MYCBPAP: variants seen among roughly 807,000 people sequenced by gnomAD.
MYCBPAP encodes the protein MYCBP-associated protein.
MYCBPAP carries 60 observed loss-of-function variants against 106.1 expected under a neutral mutation model. The ratio of observed to expected loss-of-function variants is 0.57; its 90% CI spans 0.46 to 0.70. The LOEUF (loss-of-function observed/expected upper bound fraction) is 0.70, where lower values mean the gene tolerates loss of function less well. MYCBPAP is among the 30% of genes least tolerant of loss of function. The probability of loss-of-function intolerance (pLI) is 0.00; values close to 1 mark genes in which losing one functional copy is unlikely to be tolerated. For missense variants in MYCBPAP, 1,064 were observed against 1,169.3 expected, an observed-to-expected ratio of 0.91 and a Z score of 1.31; for synonymous variants, 407 against 440.6, an observed-to-expected ratio of 0.92 and a Z score of 0.95.
Position 50,508,764 on chromosome 17 carries a change from G to A in MYCBPAP, c.76+14G>A, listed in dbSNP as rs149713939. On this transcript the variant is annotated intron_variant, in intron 1 of 18. Coordinates refer to ENST00000323776, the MANE Select transcript of MYCBPAP (RefSeq NM_032133.6). ...AGAATGTCAAAGGTTGGCGCTGGCT[G>A]CCTTGGGCGCTCGGGAGAACCCGAG... 186 of 1,603,214 alleles carry A rather than the reference G, an allele frequency of 1.2e-4. No individual in the cohort carries two copies. The African/African-American group carries it at 2.0e-3, about 18-fold the overall frequency.
At chr17:50,514,845 A>G (rs772022860) in intron 1 of MYCBPAP, 18 of 407,004 alleles carry the variant, frequency 4.4e-5, no homozygotes, top group Admixed American at 8.5e-5. Context: ...TTTTTTATAG[A>G]GCCCAGACTG....
In MYCBPAP at chr17:50,524,977, A is replaced by G. The variant is rs755985825; in HGVS notation, c.1736A>G (p.Asp579Gly). Residue 579 changes from aspartate (D) to glycine (G), a missense_variant, in exon 13 of 19, where the codon GAT becomes GGT. By Grantham distance (94) the Asp-to-Gly change is moderately conservative. Coordinates refer to ENST00000323776, the MANE Select transcript of MYCBPAP (RefSeq NM_032133.6). ...LTPERTPSPV[D>G]AYLTEEDLFR... ...CCGGAGCGCACACCATCACCTGTGG[A>G]TGCCTATCTCACCGAGGAAGACTTG... 4.3e-6 allele frequency: 7 copies of G among 1,613,936 alleles called. 1 individual carries two copies. The South Asian group carries it at 5.5e-5, about 13-fold the overall frequency.
chr17:50,524,605 A>G (rs111306757), intron 12 of MYCBPAP, among the ~76,000 whole-genome samples: 4,264 of 152,210 alleles, frequency 0.028, 82 homozygotes, highest in South Asian at 0.072. Flanking sequence ...GGCCCCAGGC[A>G]GCAGCAGCTG....
At chr17:50,519,527 A>T in intron 6 of MYCBPAP, 113 bp from the exon 7 acceptor site, 1 of 1,278,834 alleles carries the variant, frequency 7.8e-7, no homozygotes, top group Non-Finnish European at 1.1e-6. Context: ...GCAGCAATGA[A>T]TTCCCCAGAG....
In MYCBPAP at chr17:50,519,762, G is replaced by C; in HGVS notation, c.891G>C (p.Lys297Asn). 6.2e-7 allele frequency: 1 copy of C among 1,613,968 alleles called. No homozygotes were observed. Among genetic ancestry groups the C allele is most frequent in the Non-Finnish European group, 8.5e-7 (1 of 1,179,982 alleles). The change falls in exon 7 of 19, where the codon AAG becomes AAC. Residue 297 changes from lysine to asparagine, a missense_variant. Physicochemically the swap from Lys to Asn is moderately conservative, Grantham distance 94. Coordinates refer to ENST00000323776, the MANE Select transcript of MYCBPAP (RefSeq NM_032133.6). ...GLMEPITHIRKPHSIRVETGL... is the reference protein window; with the variant it reads ...GLMEPITHIRNPHSIRVETGL... The stretch of plus-strand genomic sequence containing the variant: ...TGGAGCCCATCACTCACATCAGGAA[G>C]CCCCACTCCATCCGGGTGGAGACAG...
At chr17:50,517,996 A>C (rs2034115700) in intron 4 of MYCBPAP, among the ~76,000 whole-genome samples, 1 of 152,184 alleles carries the variant, frequency 6.6e-6, no homozygotes, top group African/African-American at 2.4e-5. Context: ...CAGGGCCCAC[A>C]TGCCTCATTT....
At position 50,526,084 on chromosome 17, in the gene MYCBPAP, C is replaced by T. The variant is rs61753847; in HGVS notation, c.1986C>T (p.Asn662=). 29 of 1,613,792 alleles carry T rather than the reference C, an allele frequency of 1.8e-5. No individual in the cohort carries two copies. Among genetic ancestry groups the T allele is most frequent in the Non-Finnish European group, 2.3e-5 (27 of 1,180,038 alleles). ...AAACTCAAGTGCCCCGGCCTGAGAACGAGGCCCTCAGGGAATCCGGGTCCC... is the reference window on the plus strand; with the variant it reads ...AAACTCAAGTGCCCCGGCCTGAGAATGAGGCCCTCAGGGAATCCGGGTCCC... ...ISETQVPRPE[N]EALRESGSQK... The change falls in exon 14 of 19, where the codon AAC becomes AAT. Residue 662 remains asparagine, a synonymous_variant. Transcript: ENST00000323776.
Position 50,523,662 on chromosome 17 carries a change from T to C in MYCBPAP, c.1513T>C (p.Phe505Leu). Reference sequence around the variant, plus strand: ...CTTCAAGTCTTTGACTGCTGGGGTCTTCAGGGAATTTTGGGAGTTTCGAAC... The same window carrying C: ...CTTCAAGTCTTTGACTGCTGGGGTCCTCAGGGAATTTTGGGAGTTTCGAAC... ...FFFKSLTAGV[F>L]REFWEFRTHP... The change falls in exon 12 of 19, where the codon TTC (phenylalanine) becomes CTC (leucine). Residue 505 changes from phenylalanine to leucine, a missense_variant. By Grantham distance (22) the Phe-to-Leu change is conservative. Transcript: ENST00000323776. The C allele has an allele frequency of 1.9e-6, 3 of 1,614,236 alleles. No individual in the cohort carries two copies. Among genetic ancestry groups the C allele is most frequent in the Non-Finnish European group, 2.5e-6 (3 of 1,180,038 alleles).
Position 50,526,090 on chromosome 17 carries a change from C to T in MYCBPAP, c.1992C>T (p.Ala664=), listed in dbSNP as rs2034448810. ...AAGTGCCCCGGCCTGAGAACGAGGCCCTCAGGGAATCCGGGTCCCAGAAGG... is the reference window on the plus strand; with the variant it reads ...AAGTGCCCCGGCCTGAGAACGAGGCTCTCAGGGAATCCGGGTCCCAGAAGG... ...ETQVPRPENE[A]LRESGSQKAR... The change falls in exon 14 of 19, where the codon GCC becomes GCT. Residue 664 remains alanine (A), a synonymous_variant. Coordinates refer to ENST00000323776, the MANE Select transcript of MYCBPAP (RefSeq NM_032133.6). 1.2e-6 allele frequency: 2 copies of T among 1,613,794 alleles called. No individual in the cohort carries two copies. Among genetic ancestry groups the T allele is most frequent in the Non-Finnish European group, 1.7e-6 (2 of 1,180,040 alleles).
chr17:50,510,692 A>ATTT lies in MYCBPAP; in HGVS notation c.76+1960_76+1962dup, dbSNP rs56894700. The stretch of plus-strand genomic sequence containing the variant: ...AGGTGCACACCACCATGCCTGGCAA[A>ATTT]TTTTTTTTTTTTTTTTTTTTGTAGA... On this transcript the variant is annotated intron_variant, in intron 1 of 18. Transcript: ENST00000323776. Among the ~76,000 whole-genome samples, 16 of 111,164 alleles carry ATTT rather than the reference A, an allele frequency of 1.4e-4. 1 individual carries two copies. Among genetic ancestry groups the ATTT allele is most frequent in the African/African-American group, 2.3e-4 (6 of 26,240 alleles). 72.9% of individuals were successfully genotyped at this position (111,164 alleles called of 152,430 possible). A position where few individuals can be genotyped will look rare whatever the true frequency, so the allele number is the denominator to read the frequency against.
chr17:50,530,410 G>A (rs1024438716), intron 18 of MYCBPAP: 12 of 191,206 alleles, frequency 6.3e-5, no homozygotes, highest in Non-Finnish European at 1.0e-4. Flanking sequence ...CACAATAATC[G>A]CTTGAACCCG....
chr17:50,524,543 G>A (rs1316694697), intron 12 of MYCBPAP, among the ~76,000 whole-genome samples: 1 of 152,124 alleles, frequency 6.6e-6, no homozygotes, highest in Non-Finnish European at 1.5e-5. Context: ...CCCCCACTAT[G>A]TGCCCTGCCC....
At chr17:50,510,532 T>TAC (rs1272572043) in intron 1 of MYCBPAP, 1 of 137,130 alleles carries the variant, frequency 7.3e-6, no homozygotes, top group East Asian at 2.1e-4. Flanking sequence ...TATATATATA[T>TAC]ATATGTATTT....
intron 4 of MYCBPAP, among the ~76,000 whole-genome samples, chr17:50,518,028 T>C (rs944228747): frequency 6.6e-6 from 1 of 152,250 alleles, no homozygotes; most frequent in Non-Finnish European, 1.5e-5. Flanking sequence ...GTGCACTGTC[T>C]TGATTTTCCC....
At chr17:50,513,598 C>G (rs1452379415) in intron 1 of MYCBPAP, among the ~76,000 whole-genome samples, 1 of 152,092 alleles carries the variant, frequency 6.6e-6, no homozygotes. Flanking sequence ...GAGCTTTGGC[C>G]CCCAAAAATC....
intron 4 of MYCBPAP, among the ~76,000 whole-genome samples, 200 bp from the exon 5 acceptor site, chr17:50,518,341 G>A (rs1041217054): frequency 6.6e-6 from 1 of 152,216 alleles, no homozygotes; most frequent in African/African-American, 2.4e-5. Context: ...CCCTTTGTGG[G>A]GGAGAGTGGA....
Position 50,521,244 on chromosome 17 carries a change from C to A in MYCBPAP, c.1032+19C>A. ...CCAGCAGGTTGGTATGGCCTCCATG[C>A]CCCAGTCAGAAGCCCCTTGGGGCGA... On this transcript the variant is annotated intron_variant, in intron 8 of 18. Coordinates refer to ENST00000323776, the MANE Select transcript of MYCBPAP (RefSeq NM_032133.6). The A allele has an allele frequency of 6.2e-7, 1 of 1,603,934 alleles. No individual in the cohort carries two copies. Among genetic ancestry groups the A allele is most frequent in the East Asian group, 2.2e-5 (1 of 44,710 alleles).
Position 50,508,644 on chromosome 17 carries a change from AG to A in MYCBPAP, c.-28del. Reference sequence around the variant, plus strand: ...CTCGGTGTCTCTGGGCCGGCGGTGCAGGGCAACGTTTCATGGTGCCGGGCGG... The same window carrying A: ...CTCGGTGTCTCTGGGCCGGCGGTGCAGGCAACGTTTCATGGTGCCGGGCGG... On this transcript the variant is annotated 5_prime_UTR_variant, in exon 1 of 19. Coordinates refer to ENST00000323776, the MANE Select transcript of MYCBPAP (RefSeq NM_032133.6). 2.5e-6 allele frequency: 4 copies of A among 1,588,848 alleles called. No individual in the cohort carries two copies. Among genetic ancestry groups the A allele is most frequent in the Non-Finnish European group, 2.6e-6 (3 of 1,165,284 alleles).
chr17:50,521,503 C>T, intron 9 of MYCBPAP, 72 bp downstream of exon 9: 1 of 1,191,014 alleles, frequency 8.4e-7, no homozygotes, highest in Non-Finnish European at 1.2e-6. Context: ...AAAGAGCGGG[C>T]TTCCCTCCCT....
Sources: allele counts gnomAD v4.1 joint callset (sites outside exome capture counted in the v4.1 genomes callset), GRCh38; gene constraint gnomAD v4.1.1; transcripts MANE v1.5; gene names NCBI Gene and HGNC (gene_info 2026-07-23, HGNC 2026-07-21).